EDIL3: variants seen among roughly 807,000 people sequenced by gnomAD.
EDIL3 encodes the protein EGF like and discoidin domains 3.
Under a neutral mutation model 67.4 loss-of-function variants are expected in EDIL3, and 37 were observed. That is an observed-to-expected ratio of 0.55 (90% CI 0.42 to 0.72). The LOEUF (loss-of-function observed/expected upper bound fraction) is 0.72. EDIL3 is among the 30% of genes least tolerant of loss of function. The pLI is 0.00. For synonymous variants in EDIL3, 195 were observed against 196.3 expected (o/e 0.99, Z 0.05); for missense variants, 527 against 586.3 (o/e 0.90, Z 1.04).
At position 84,252,493 on chromosome 5, in the gene EDIL3, C is replaced by CAA. The variant is rs70975548; in HGVS notation, c.196+1589_196+1590dup. Among the ~76,000 whole-genome samples the CAA allele has an allele frequency of 3.3e-3, 96 of 28,860 alleles. 13 individuals carry two copies. The highest frequency in any genetic ancestry group is 0.03 in the East Asian group (11 of 366). 18.9% of individuals were successfully genotyped at this position (28,860 alleles called of 152,430 possible). ...TGTGCGACAAAGTGAGACTCCGTCT[C>CAA]AAAAAAAAAAAAAAAAAAAAAAAAA... On this transcript the variant is annotated intron_variant, in intron 2 of 10. Transcript: ENST00000296591.
At chr5:83,952,345 T>C (rs1744437465) in intron 10 of EDIL3, among the ~76,000 whole-genome samples, 1 of 151,832 alleles carries the variant, frequency 6.6e-6, no homozygotes, top group Non-Finnish European at 1.5e-5. Flanking sequence ...TGACAATATC[T>C]TAGGAAATAT....
intron 1 of EDIL3, among the ~76,000 whole-genome samples, chr5:84,260,748 G>T (rs1037654836): frequency 2.0e-5 from 3 of 152,034 alleles, no homozygotes; most frequent in Admixed American, 2.0e-4. Context: ...AGTGCTGGCA[G>T]CCACCTAGAA....
chr5:84,238,253 A>G (rs1210252021), intron 2 of EDIL3, among the ~76,000 whole-genome samples: 1 of 152,136 alleles, frequency 6.6e-6, no homozygotes, highest in Non-Finnish European at 1.5e-5. Context: ...GAGGTCTTTT[A>G]GTAAAATATC....
chr5:84,063,963 A>G (rs1030294620), intron 8 of EDIL3, among the ~76,000 whole-genome samples: 2 of 152,146 alleles, frequency 1.3e-5, no homozygotes, highest in Non-Finnish European at 1.5e-5. Flanking sequence ...ACAATTTTCT[A>G]TTTCATTCAG....
chr5:84,010,446 C>T (rs2112179564), intron 9 of EDIL3, among the ~76,000 whole-genome samples: 1 of 152,176 alleles, frequency 6.6e-6, no homozygotes, highest in Non-Finnish European at 1.5e-5. Context: ...CTATTTATTT[C>T]ACTCTGTTCT....
At chr5:84,183,410 G>A (rs164064) in intron 3 of EDIL3, among the ~76,000 whole-genome samples, 58,810 of 151,742 alleles carry the variant, frequency 0.39, 11,589 homozygotes, top group South Asian at 0.49. Flanking sequence ...GATAGATTTT[G>A]AAACTAACTG....
At position 84,123,854 on chromosome 5, in the gene EDIL3, C is replaced by T. The variant is rs112152860; in HGVS notation, c.469+13387G>A. Among the ~76,000 whole-genome samples the T allele has an allele frequency of 7.9e-5, 12 of 151,912 alleles. No homozygotes were observed. The South Asian group carries it at 1.0e-3, about 13-fold the overall frequency. ...GTGACTAGAGTGAAAAACAGTAGTT[C>T]CTTTTTACTTACATGTTGTTAAAAA... On this transcript the variant is annotated intron_variant, in intron 5 of 10. Transcript: ENST00000296591.
At chr5:83,945,271 T>C (rs949252269) in intron 10 of EDIL3, among the ~76,000 whole-genome samples, 2 of 151,980 alleles carry the variant, frequency 1.3e-5, no homozygotes, top group Admixed American at 1.3e-4. Context: ...ACAGGACATA[T>C]CATAAACACT....
intron 1 of EDIL3, among the ~76,000 whole-genome samples, chr5:84,383,054 C>T (rs920048499): frequency 6.6e-6 from 1 of 152,220 alleles, no homozygotes; most frequent in Non-Finnish European, 1.5e-5. Context: ...AATATTCATA[C>T]TCTGTCTAAT....
chr5:84,317,836 T>C (rs1227371675), intron 1 of EDIL3, among the ~76,000 whole-genome samples: 2 of 152,058 alleles, frequency 1.3e-5, no homozygotes, highest in African/African-American at 2.4e-5. Context: ...GAGAAAGAAA[T>C]AAAGAGTATT....
chr5:84,131,658 G>A (rs1230531232), intron 5 of EDIL3, among the ~76,000 whole-genome samples: 2 of 152,088 alleles, frequency 1.3e-5, no homozygotes, highest in Admixed American at 6.6e-5. Flanking sequence ...AGAATGCTGA[G>A]AGGATTAAAA....
chr5:84,380,679 T>C (rs1477521966), intron 1 of EDIL3, among the ~76,000 whole-genome samples: 1 of 152,140 alleles, frequency 6.6e-6, no homozygotes, highest in Non-Finnish European at 1.5e-5. Flanking sequence ...TGATAATATA[T>C]ACAGTTCATC....
chr5:84,111,471 T>C (rs114933811), intron 5 of EDIL3, among the ~76,000 whole-genome samples: 1,539 of 152,306 alleles, frequency 0.01, 28 homozygotes, highest in African/African-American at 0.036. Context: ...ACTCCATCCG[T>C]TCATTTAATT....
intron 2 of EDIL3, among the ~76,000 whole-genome samples, chr5:84,252,409 G>A (rs1745039975): frequency 6.8e-6 from 1 of 146,912 alleles, no homozygotes; most frequent in Non-Finnish European, 1.5e-5. Context: ...CAGGAGAACG[G>A]TGTGAACCCG....
chr5:84,319,494 C>CAAAAA (rs55738450), intron 1 of EDIL3, among the ~76,000 whole-genome samples: 454 of 42,548 alleles, frequency 0.011, no homozygotes, highest in East Asian at 0.016. Flanking sequence ...CAAAAAACAA[C>CAAAAA]AAAAAAAAAA....
At chr5:84,000,565 C>CA (rs895037766) in intron 9 of EDIL3, among the ~76,000 whole-genome samples, 3 of 146,422 alleles carry the variant, frequency 2.0e-5, no homozygotes, top group South Asian at 2.1e-4. Context: ...AAAACACCTA[C>CA]AAAAAAAAAG....
chr5:84,377,694 T>C (rs1358735059), intron 1 of EDIL3, among the ~76,000 whole-genome samples: 1 of 152,240 alleles, frequency 6.6e-6, no homozygotes, highest in Non-Finnish European at 1.5e-5. Context: ...ATATATCATC[T>C]AACAAGAGAT....
At chr5:84,310,243 A>T (rs2607357) in intron 1 of EDIL3, among the ~76,000 whole-genome samples, 40,172 of 152,086 alleles carry the variant, frequency 0.26, 6,095 homozygotes, top group Non-Finnish European at 0.35. Context: ...ACTGTTACAT[A>T]AAATGCTAAT....
At chr5:84,307,949 T>A (rs1269525403) in intron 1 of EDIL3, among the ~76,000 whole-genome samples, 1 of 152,134 alleles carries the variant, frequency 6.6e-6, no homozygotes, top group African/African-American at 2.4e-5. Context: ...TAGAACTAGA[T>A]CAATGTAGGA....
Sources: allele counts gnomAD v4.1 joint callset (sites outside exome capture counted in the v4.1 genomes callset), GRCh38; gene constraint gnomAD v4.1.1; transcripts MANE v1.5; gene names NCBI Gene and HGNC (gene_info 2026-07-23, HGNC 2026-07-21).